The following BDP1 variants were observed in gnomAD, a reference collection of about 807,000 sequenced individuals.
The protein encoded by BDP1 is transcription factor TFIIIB component B'' homolog.
A neutral mutation model predicts 266.6 loss-of-function variants in BDP1; 169 were observed. The ratio of observed to expected loss-of-function variants is 0.63; its 90% CI spans 0.56 to 0.72. The LOEUF (loss-of-function observed/expected upper bound fraction) is 0.72. Among genes scored for constraint, BDP1 ranks in the 30% least tolerant of loss-of-function variants. BDP1 has a pLI of 0.00. For missense variants in BDP1, 3,015 were observed against 3,053.8 expected (o/e 0.99, Z 0.30); for synonymous variants, 1,090 against 1,022.4 (o/e 1.07, Z -1.26).
At position 71,556,109 on chromosome 5, in the gene BDP1, T is replaced by C. The variant is rs1427959864; in HGVS notation, c.7201-777T>C. On this transcript the variant is annotated intron_variant, in intron 35 of 38. Transcript: ENST00000358731. ...TTATAGGTTACCCCTATGAGTTTTA[T>C]CTTTTTTGTTGCTGTTATCATTAAG... is the stretch of plus-strand genomic sequence containing the variant. Among the ~76,000 whole-genome samples the C allele has an allele frequency of 4.6e-5, 7 of 152,162 alleles. 1 individual carries two copies. Among genetic ancestry groups the C allele is most frequent in the African/African-American group, 1.7e-4 (7 of 41,450 alleles).
At chr5:71,511,456 A>C (rs1009416400) in intron 17 of BDP1, 6 of 237,434 alleles carry the variant, frequency 2.5e-5, no homozygotes, top group Non-Finnish European at 4.8e-5. Flanking sequence ...TGTCTCTACA[A>C]AAAATAAGAT....
At chr5:71,469,928 G>A (rs1415693698) in intron 6 of BDP1, among the ~76,000 whole-genome samples, 5 of 146,750 alleles carry the variant, frequency 3.4e-5, no homozygotes, top group Non-Finnish European at 5.9e-5. Flanking sequence ...TGCAACCTCC[G>A]CTTCCCGGGT....
rs114265981 is a variant in BDP1, at chr5:71,499,244, C to T, written c.1956+1818C>T. 1.3e-3 allele frequency among the ~76,000 whole-genome samples: 205 copies of T among 152,238 alleles called. 1 individual carries two copies. Among genetic ancestry groups the T allele is most frequent in the African/African-American group, 4.6e-3 (189 of 41,536 alleles). On this transcript the variant is annotated intron_variant, in intron 13 of 38. Transcript: ENST00000358731. ...CCTTCCAAGTAGCTGAGATTACAGGCGCGCGCCTCTATGCCCAGCCAATTT... is the reference window on the plus strand; with the variant it reads ...CCTTCCAAGTAGCTGAGATTACAGGTGCGCGCCTCTATGCCCAGCCAATTT...
intron 2 of BDP1, among the ~76,000 whole-genome samples, chr5:71,459,743 T>C (rs1323009032): frequency 6.6e-6 from 1 of 152,218 alleles, no homozygotes; most frequent in Non-Finnish European, 1.5e-5. Context: ...ACTAGCTTTG[T>C]GACCTTGGGT....
chr5:71,557,400 T>TTTC, intron 36 of BDP1, among the ~76,000 whole-genome samples: 1 of 139,504 alleles, frequency 7.2e-6, no homozygotes, highest in Admixed American at 7.3e-5. Context: ...TTTTTTTTTT[T>TTTC]TTGAGACGGT....
chr5:71,545,267 AT>A (rs775472499), intron 32 of BDP1, 48 bp downstream of exon 32: 3 of 1,489,434 alleles, frequency 2.0e-6, no homozygotes, highest in Middle Eastern at 1.7e-4. Context: ...GTTTTCCTCC[AT>A]TTAAAAAAAA....
chr5:71,545,248 T>G (rs754505496), intron 32 of BDP1, 29 bp downstream of exon 32: 9 of 1,571,658 alleles, frequency 5.7e-6, no homozygotes. Flanking sequence ...TAATAAGGGA[T>G]AGCAAGGTGT....
chr5:71,526,071 G>A (rs1021632232), intron 25 of BDP1, among the ~76,000 whole-genome samples: 1 of 152,200 alleles, frequency 6.6e-6, no homozygotes, highest in African/African-American at 2.4e-5. Flanking sequence ...TCGGCACTTT[G>A]GGGGGCCAAG....
At chr5:71,491,160 C>T in intron 11 of BDP1, 29 bp downstream of exon 11, 1 of 1,602,894 alleles carries the variant, frequency 6.2e-7, no homozygotes, top group Middle Eastern at 1.7e-4. Context: ...CTGGTTTTAT[C>T]CACATCTGTT....
At chr5:71,504,782 T>G (rs1764482254) in intron 16 of BDP1, 31 bp downstream of exon 16, 2 of 1,600,102 alleles carry the variant, frequency 1.2e-6, no homozygotes, top group South Asian at 2.3e-5. Flanking sequence ...ATATAATCTT[T>G]GGATTTTGTA....
At chr5:71,538,170 G>T (rs950660929) in intron 26 of BDP1, among the ~76,000 whole-genome samples, 2 of 152,148 alleles carry the variant, frequency 1.3e-5, no homozygotes, top group Admixed American at 1.3e-4. Context: ...TAAATTCTAG[G>T]ATCATAATGT....
intron 26 of BDP1, among the ~76,000 whole-genome samples, chr5:71,534,294 T>G (rs1766446469): frequency 6.6e-6 from 1 of 152,212 alleles, no homozygotes; most frequent in Non-Finnish European, 1.5e-5. Context: ...TTATGTCTTT[T>G]GCATGTTGCT....
chr5:71,513,964 C>A (rs1002492507), intron 19 of BDP1, among the ~76,000 whole-genome samples: 1 of 151,774 alleles, frequency 6.6e-6, no homozygotes, highest in Admixed American at 6.6e-5. Context: ...ACCTCGTGAT[C>A]TGCCTGCTTT....
rs1245971696 is a variant in BDP1, at chr5:71,560,151, G to A, written c.7410G>A (p.Val2470=). ...VPQLPQDEMI[V]SDKEERTDAA... ...AGTTACCTCAGGATGAAATGATTGT[G>A]TCTGATAAGGAAGAAAGAACTGATG... Residue 2470 remains valine, a synonymous_variant, in exon 37 of 39, where the codon GTG becomes GTA. Transcript: ENST00000358731. 3 of 1,614,146 alleles carry A rather than the reference G, an allele frequency of 1.9e-6. No individual in the cohort carries two copies. Among genetic ancestry groups the A allele is most frequent in the South Asian group, 1.1e-5 (1 of 91,082 alleles).
chr5:71,505,584 C>T lies in BDP1; in HGVS notation c.2372+833C>T, dbSNP rs553862107. Among the ~76,000 whole-genome samples the T allele has an allele frequency of 5.8e-3, 883 of 152,236 alleles. 14 individuals are homozygous for T. The highest frequency in any genetic ancestry group is 0.02 in the African/African-American group (844 of 41,540). ...TTTCAACTTGGAAATGTTTAATGTG[C>T]GCAAAAGTGCAGTAGTGGACTCCCA... On this transcript the variant is annotated intron_variant, in intron 16 of 38. Transcript: ENST00000358731.
chr5:71,576,243 G>C, the BDP1 span, among the ~76,000 whole-genome samples: 1,441 of 152,322 alleles, frequency 9.5e-3, 27 homozygotes, highest in African/African-American at 0.033. Context: ...ATACTTTGGA[G>C]TGACACTCCT....
intron 10 of BDP1, among the ~76,000 whole-genome samples, chr5:71,490,306 A>C (rs1763509337): frequency 6.6e-6 from 1 of 152,162 alleles, no homozygotes; most frequent in South Asian, 2.1e-4. Flanking sequence ...TACCCATCTG[A>C]TTTTAATAAA....
chr5:71,482,583 C>A (rs1255234921), intron 7 of BDP1, among the ~76,000 whole-genome samples: 3 of 152,126 alleles, frequency 2.0e-5, no homozygotes, highest in African/African-American at 7.2e-5. Context: ...CCTATGAAAT[C>A]ATTGACTAGT....
At chr5:71,560,481 AT>A (rs920630216) in intron 37 of BDP1, among the ~76,000 whole-genome samples, 3 of 152,190 alleles carry the variant, frequency 2.0e-5, no homozygotes, top group Non-Finnish European at 4.4e-5. Flanking sequence ...TTGTACACTT[AT>A]TTTTTTAGAT....
Sources: gnomAD v4.1 joint callset for allele counts (sites outside exome capture counted in the v4.1 genomes callset) on GRCh38, gnomAD v4.1.1 for gene constraint, MANE v1.5 for transcripts, NCBI Gene and HGNC (gene_info 2026-07-23, HGNC 2026-07-21) for gene names.